The following HHAT variants were observed in gnomAD, a reference collection of about 807,000 sequenced individuals.
HHAT encodes the protein protein-cysteine N-palmitoyltransferase HHAT.
A neutral mutation model predicts 70.8 loss-of-function variants in HHAT; 47 were observed. The observed-to-expected ratio is 0.66, with a 90% confidence interval of 0.53 to 0.85. The LOEUF is 0.85. Ranked by LOEUF, HHAT falls within the 40% of genes least tolerant of loss-of-function variation. The pLI is 0.00. For missense variants in HHAT, 609 were observed against 604.8 expected, an observed-to-expected ratio of 1.01 and a Z score of -0.07; for synonymous variants, 228 against 247.6, an observed-to-expected ratio of 0.92 and a Z score of 0.74.
intron 7 of HHAT, among the ~76,000 whole-genome samples, chr1:210,446,553 A>G (rs1014587600): frequency 4.6e-5 from 7 of 152,062 alleles, no homozygotes; most frequent in Admixed American, 1.3e-4. Flanking sequence ...TCCTTAACAA[A>G]ACACCACGTG....
intron 7 of HHAT, among the ~76,000 whole-genome samples, chr1:210,457,982 G>A (rs1242122968): frequency 6.6e-6 from 1 of 152,160 alleles, no homozygotes; most frequent in African/African-American, 2.4e-5. Flanking sequence ...TAGTAGAAAT[G>A]TTAGTTGCAC....
chr1:210,486,496 G>T (rs2094474367), intron 8 of HHAT, among the ~76,000 whole-genome samples: 2 of 152,210 alleles, frequency 1.3e-5, no homozygotes, highest in Admixed American at 1.3e-4. Flanking sequence ...CAAGTATTCT[G>T]ACCATCTGCA....
intron 11 of HHAT, among the ~76,000 whole-genome samples, chr1:210,649,613 T>G (rs1674719910): frequency 6.6e-6 from 1 of 152,220 alleles, no homozygotes; most frequent in Non-Finnish European, 1.5e-5. Context: ...CCTAAAGGTT[T>G]TATGTCATCT....
intron 11 of HHAT, among the ~76,000 whole-genome samples, chr1:210,627,910 C>T (rs1317112834): frequency 6.6e-6 from 1 of 152,160 alleles, no homozygotes; most frequent in Non-Finnish European, 1.5e-5. Context: ...TCTGCTGTGT[C>T]ATGCTTTGCA....
chr1:210,481,853 G>A (rs1338575105), intron 8 of HHAT, among the ~76,000 whole-genome samples: 1 of 152,206 alleles, frequency 6.6e-6, no homozygotes, highest in Non-Finnish European at 1.5e-5. Flanking sequence ...ATGAAGACTT[G>A]GAGGAGATTA....
intron 10 of HHAT, among the ~76,000 whole-genome samples, chr1:210,603,246 C>T (rs1358170452): frequency 1.3e-5 from 2 of 151,826 alleles, no homozygotes; most frequent in African/African-American, 4.8e-5. Flanking sequence ...ATCTCAGGAA[C>T]GAGTACTGAG....
chr1:210,414,532 C>G (rs186167166), intron 6 of HHAT, among the ~76,000 whole-genome samples: 166 of 152,262 alleles, frequency 1.1e-3, no homozygotes, highest in Middle Eastern at 3.4e-3. Flanking sequence ...AAAAATTAGT[C>G]TAGCATAAAA....
At chr1:210,437,217 G>A (rs2093399013) in intron 7 of HHAT, among the ~76,000 whole-genome samples, 1 of 151,860 alleles carries the variant, frequency 6.6e-6, no homozygotes, top group South Asian at 2.1e-4. Flanking sequence ...AAGGCTAACT[G>A]CTTTTGAATG....
rs1385782643 is a variant in HHAT, at chr1:210,623,729, G to A, written c.1390+59G>A. 4 of 1,537,228 alleles carry A rather than the reference G, an allele frequency of 2.6e-6. No individual in the cohort carries two copies. The Admixed American group carries it at 7.0e-5, about 27-fold the overall frequency. On this transcript the variant is annotated intron_variant, in intron 11 of 11. Transcript: ENST00000261458. ...TTCTTGTTTTCCATGTATGCGGATG[G>A]GATCATACATGGGATGGATGGGATT...
At chr1:210,577,217 A>G (rs948170322) in intron 9 of HHAT, among the ~76,000 whole-genome samples, 4 of 152,098 alleles carry the variant, frequency 2.6e-5, no homozygotes, top group Admixed American at 2.0e-4. Flanking sequence ...TTCCAATACT[A>G]TGTTGAAAAG....
At chr1:210,423,361 T>G (rs1422376881) in intron 7 of HHAT, among the ~76,000 whole-genome samples, 1 of 152,192 alleles carries the variant, frequency 6.6e-6, no homozygotes, top group Non-Finnish European at 1.5e-5. Flanking sequence ...TGACCATTTC[T>G]TTTGAGAAAA....
chr1:210,580,758 C>T (rs1659090664), intron 9 of HHAT, among the ~76,000 whole-genome samples: 1 of 150,734 alleles, frequency 6.6e-6, no homozygotes, highest in South Asian at 2.2e-4. Flanking sequence ...CAAGTCTTTG[C>T]TATTGTGAAT....
chr1:210,542,571 G>A (rs1048579210), intron 9 of HHAT, among the ~76,000 whole-genome samples: 4 of 151,900 alleles, frequency 2.6e-5, no homozygotes, highest in African/African-American at 7.3e-5. Flanking sequence ...GCTGAGTTGG[G>A]AGGATTGCTT....
chr1:210,443,351 CTTTAAAGTAGTT>C (rs2093567377), intron 7 of HHAT, among the ~76,000 whole-genome samples: 4 of 151,142 alleles, frequency 2.6e-5, no homozygotes. Flanking sequence ...TCCTTATGAA[CTTTAAAGTAGTT>C]TTTTCCAATT....
intron 11 of HHAT, among the ~76,000 whole-genome samples, chr1:210,671,404 T>C (rs1370310076): frequency 6.6e-6 from 1 of 152,182 alleles, no homozygotes; most frequent in Admixed American, 6.5e-5. Flanking sequence ...GATGGGTCCA[T>C]GTGGAAGTTC....
chr1:210,557,441 C>T (rs757104448), intron 9 of HHAT, among the ~76,000 whole-genome samples: 1 of 152,118 alleles, frequency 6.6e-6, no homozygotes, highest in East Asian at 1.9e-4. Flanking sequence ...TGCACTTGTA[C>T]ACGAATGTCT....
intron 1 of HHAT, among the ~76,000 whole-genome samples, chr1:210,338,182 T>TG (rs1295828362): frequency 2.0e-5 from 2 of 98,674 alleles, no homozygotes; most frequent in Non-Finnish European, 4.1e-5. Context: ...CCCGCCCCCA[T>TG]TTAAAAAAAA....
At chr1:210,622,726 C>G (rs1669088452) in intron 10 of HHAT, among the ~76,000 whole-genome samples, 2 of 152,154 alleles carry the variant, frequency 1.3e-5, no homozygotes, top group Non-Finnish European at 2.9e-5. Context: ...CACTCATTGT[C>G]CTACACTCTT....
At chr1:210,602,825 T>A (rs140974448) in intron 10 of HHAT, among the ~76,000 whole-genome samples, 3 of 152,226 alleles carry the variant, frequency 2.0e-5, no homozygotes, top group Admixed American at 1.3e-4. Flanking sequence ...TAAGGATCAT[T>A]AGCAATGCAG....
Sources: gnomAD v4.1 joint callset for allele counts (sites outside exome capture counted in the v4.1 genomes callset) on GRCh38, gnomAD v4.1.1 for gene constraint, MANE v1.5 for transcripts, NCBI Gene and HGNC (gene_info 2026-07-23, HGNC 2026-07-21) for gene names.